The following USP7 variants were observed in gnomAD, a reference collection of about 807,000 sequenced individuals.
USP7 encodes the protein ubiquitin specific peptidase 7, also known as ubiquitin C-terminal hydrolase 7.
USP7 carries 9 observed loss-of-function variants against 162.9 expected under a neutral mutation model. The ratio of observed to expected loss-of-function variants is 0.06; its 90% CI spans 0.03 to 0.10. The LOEUF is 0.10. USP7 is among the 10% of genes least tolerant of loss of function. The probability of loss-of-function intolerance (pLI) is 1.00; values close to 1 mark genes in which losing one functional copy is unlikely to be tolerated. For synonymous variants in USP7, 562 were observed against 475.9 expected (o/e 1.18, Z -2.35); for missense variants, 715 against 1,373.7 (o/e 0.52, Z 7.58).
At chr16:8,897,883 A>T (rs2061713872) in intron 25 of USP7, among the ~76,000 whole-genome samples, 6 of 150,912 alleles carry the variant, frequency 4.0e-5, no homozygotes. Flanking sequence ...TGGGTGACAG[A>T]GCGAGACCCT....
chr16:8,922,993 T>C (rs1161432633), intron 3 of USP7, among the ~76,000 whole-genome samples: 1 of 152,236 alleles, frequency 6.6e-6, no homozygotes, highest in Non-Finnish European at 1.5e-5. Flanking sequence ...CCTGATTCCA[T>C]GGGCTGGTAG....
intron 1 of USP7, among the ~76,000 whole-genome samples, chr16:8,952,502 C>A (rs1347017140): frequency 6.6e-6 from 1 of 152,254 alleles, no homozygotes; most frequent in East Asian, 1.9e-4. Context: ...GTTTCCCTGC[C>A]GCTTCCGGGT....
intron 1 of USP7, among the ~76,000 whole-genome samples, chr16:8,947,711 C>CA (rs1227159850): frequency 1.3e-5 from 2 of 152,152 alleles, no homozygotes; most frequent in Non-Finnish European, 2.9e-5. Context: ...ACCCACCCAC[C>CA]AAAAGCTCTT....
At chr16:8,960,017 T>C (rs1451705400) in intron 1 of USP7, among the ~76,000 whole-genome samples, 1 of 152,204 alleles carries the variant, frequency 6.6e-6, no homozygotes. Flanking sequence ...AAGCAAGGCC[T>C]CCTGATAACT....
At chr16:8,949,845 C>T (rs141217326) in intron 1 of USP7, among the ~76,000 whole-genome samples, 9 of 152,346 alleles carry the variant, frequency 5.9e-5, no homozygotes, top group African/African-American at 2.2e-4. Flanking sequence ...CTAAGCTGAG[C>T]TTGGGGAAGC....
chr16:8,934,846 G>A (rs902482085), intron 1 of USP7, among the ~76,000 whole-genome samples: 1 of 152,208 alleles, frequency 6.6e-6, no homozygotes, highest in African/African-American at 2.4e-5. Flanking sequence ...CCACCAAGGT[G>A]ATTCCAGCCC....
At chr16:8,950,806 C>T (rs1047184982) in intron 1 of USP7, among the ~76,000 whole-genome samples, 2 of 152,228 alleles carry the variant, frequency 1.3e-5, no homozygotes, top group South Asian at 2.1e-4. Flanking sequence ...CACTGACCAG[C>T]GCACGACAGT....
intron 4 of USP7, 142 bp from the exon 5 acceptor site, chr16:8,920,589 A>G (rs908131348): frequency 2.8e-6 from 2 of 703,780 alleles, no homozygotes; most frequent in Admixed American, 3.3e-5. Flanking sequence ...TGCTAATTTT[A>G]GACTGTTTCA....
At chr16:8,944,590 T>C (rs1899194932) in intron 1 of USP7, among the ~76,000 whole-genome samples, 1 of 152,190 alleles carries the variant, frequency 6.6e-6, no homozygotes, top group South Asian at 2.1e-4. Context: ...TTCCTTTATT[T>C]GAATAAAACC....
At chr16:8,950,811 G>A (rs568478540) in intron 1 of USP7, among the ~76,000 whole-genome samples, 9 of 152,334 alleles carry the variant, frequency 5.9e-5, no homozygotes, top group East Asian at 3.9e-4. Context: ...ACCAGCGCAC[G>A]ACAGTGATCT....
chr16:8,922,173 A>G (rs1210874394), intron 3 of USP7, among the ~76,000 whole-genome samples: 1 of 152,202 alleles, frequency 6.6e-6, no homozygotes, highest in Non-Finnish European at 1.5e-5. Flanking sequence ...CTGCATCATA[A>G]AATTACCTTA....
Position 8,897,698 on chromosome 16 carries a change from C to CCAAAAAAAAA in USP7, c.2719-600_2719-599insTTTTTTTTTG, listed in dbSNP as rs1555461632. ...GCAATATAGTGAGACCCTGTCTCTACAAAAAAAAAAAAAAAAAAAAAAAAA... is the reference window on the plus strand; with the variant it reads ...GCAATATAGTGAGACCCTGTCTCTACCAAAAAAAAAAAAAAAAAAAAAAAAAAAAAAAAAA... On this transcript the variant is annotated intron_variant, in intron 25 of 30. Transcript: ENST00000344836. Among the ~76,000 whole-genome samples, 5 of 35,592 alleles carry CCAAAAAAAAA rather than the reference C, an allele frequency of 1.4e-4. 2 individuals are homozygous for CCAAAAAAAAA. The highest frequency in any genetic ancestry group is 5.9e-4 in the African/African-American group (5 of 8,416). 23.3% of individuals were successfully genotyped at this position (35,592 alleles called of 152,430 possible). A position where few individuals can be genotyped will look rare whatever the true frequency, so the allele number is the denominator to read the frequency against.
At chr16:8,926,891 G>C (rs1349724438) in intron 2 of USP7, among the ~76,000 whole-genome samples, 2 of 152,242 alleles carry the variant, frequency 1.3e-5, no homozygotes, top group South Asian at 2.1e-4. Context: ...TTCCAATCTG[G>C]CCCCTGGAGA....
intron 1 of USP7, among the ~76,000 whole-genome samples, chr16:8,955,274 C>T (rs1472271311): frequency 4.6e-5 from 7 of 152,200 alleles, no homozygotes; most frequent in Admixed American, 4.6e-4. Context: ...GTATTGGGGC[C>T]AGTGTCTCAC....
chr16:8,897,525 A>G (rs1422489577), intron 25 of USP7, among the ~76,000 whole-genome samples: 1 of 151,472 alleles, frequency 6.6e-6, no homozygotes, highest in Non-Finnish European at 1.5e-5. Context: ...TTTTCCCTCT[A>G]TACTTGTAGA....
chr16:8,959,938 G>A (rs917354040), intron 1 of USP7, among the ~76,000 whole-genome samples: 1 of 152,150 alleles, frequency 6.6e-6, no homozygotes, highest in Non-Finnish European at 1.5e-5. Context: ...TCTCAGAGCC[G>A]ACACTGAAAC....
intron 15 of USP7, among the ~76,000 whole-genome samples, chr16:8,903,670 C>A (rs1284174058): frequency 6.6e-6 from 1 of 152,014 alleles, no homozygotes; most frequent in African/African-American, 2.4e-5. Context: ...AGTTCCGAGA[C>A]CAGCCTGACC....
At chr16:8,938,064 T>C (rs1267786208) in intron 1 of USP7, among the ~76,000 whole-genome samples, 1 of 152,102 alleles carries the variant, frequency 6.6e-6, no homozygotes, top group Non-Finnish European at 1.5e-5. Flanking sequence ...ATCCTCCCTA[T>C]GTCACCAGAC....
In USP7 at chr16:8,903,361, G is replaced by A; in HGVS notation, c.1746C>T (p.Asp582=). The A allele has an allele frequency of 1.2e-6, 2 of 1,614,084 alleles. No individual in the cohort carries two copies. The highest frequency in any genetic ancestry group is 1.7e-6 in the Non-Finnish European group (2 of 1,180,010). ...ATTTCACTTTTTCTTCATCGTACATGTCATTCCCTTGGTGGCCACAAAACT... is the reference window on the plus strand; with the variant it reads ...ATTTCACTTTTTCTTCATCGTACATATCATTCCCTTGGTGGCCACAAAACT... ...EDQFCGHQGN[D]MYDEEKVKYT... Residue 582 remains aspartate (D), a synonymous_variant, in exon 16 of 31, where the codon GAC becomes GAT. Coordinates refer to ENST00000344836, the MANE Select transcript of USP7 (RefSeq NM_003470.3).
Sources: allele counts gnomAD v4.1 joint callset (sites outside exome capture counted in the v4.1 genomes callset), GRCh38; gene constraint gnomAD v4.1.1; transcripts MANE v1.5; gene names NCBI Gene and HGNC (gene_info 2026-07-23, HGNC 2026-07-21).